UBAP2: variants seen among roughly 807,000 people sequenced by gnomAD.
The protein encoded by UBAP2 is ubiquitin-associated protein 2.
UBAP2 carries 75 observed loss-of-function variants against 139.6 expected under a neutral mutation model. The ratio of observed to expected loss-of-function variants is 0.54; its 90% confidence interval spans 0.45 to 0.65. The LOEUF (loss-of-function observed/expected upper bound fraction) is 0.65. Among genes scored for constraint, UBAP2 ranks in the 30% least tolerant of loss-of-function variants. UBAP2 has a pLI of 0.00. For missense variants in UBAP2, 1,368 were observed against 1,369.6 expected, an observed-to-expected ratio of 1.00 and a Z score of 0.02; for synonymous variants, 526 against 526.2, an observed-to-expected ratio of 1.00 and a Z score of 0.01.
At chr9:33,984,326 A>C (rs1422324319) in intron 6 of UBAP2, among the ~76,000 whole-genome samples, 1 of 152,102 alleles carries the variant, frequency 6.6e-6, no homozygotes, top group African/African-American at 2.4e-5. Flanking sequence ...AATACAAGGA[A>C]TCTAAACAAC....
intron 1 of UBAP2, among the ~76,000 whole-genome samples, 181 bp downstream of exon 1, chr9:34,048,644 G>A (rs1034832391): frequency 5.9e-5 from 9 of 152,274 alleles, no homozygotes; most frequent in African/African-American, 1.9e-4. Flanking sequence ...AGGGAGCCCG[G>A]GCCTGGACGT....
At chr9:33,935,785 T>G (rs1046433954) in intron 17 of UBAP2, 54 bp downstream of exon 17, 1 of 1,603,000 alleles carries the variant, frequency 6.2e-7, no homozygotes, top group Non-Finnish European at 8.5e-7. Flanking sequence ...GCTATCCTCT[T>G]CCTCTGTTTG....
chr9:34,043,303 C>T (rs1174768544), intron 1 of UBAP2, among the ~76,000 whole-genome samples: 1 of 151,562 alleles, frequency 6.6e-6, no homozygotes, highest in Middle Eastern at 3.2e-3. Context: ...TCCTGAGTAG[C>T]TGGGACTACA....
At chr9:34,027,729 C>T (rs1224420085) in intron 1 of UBAP2, among the ~76,000 whole-genome samples, 2 of 150,870 alleles carry the variant, frequency 1.3e-5, no homozygotes, top group South Asian at 2.1e-4. Context: ...GGGGTGGTGG[C>T]GGGTACCTGT....
At chr9:34,000,241 T>C (rs1003847578) in intron 2 of UBAP2, among the ~76,000 whole-genome samples, 3 of 152,194 alleles carry the variant, frequency 2.0e-5, no homozygotes, top group Non-Finnish European at 2.9e-5. Context: ...CAGCCTCCCA[T>C]GTAGCTTGGA....
intron 2 of UBAP2, among the ~76,000 whole-genome samples, chr9:34,004,408 C>T (rs779275870): frequency 2.0e-5 from 3 of 151,876 alleles, no homozygotes; most frequent in Non-Finnish European, 4.4e-5. Context: ...CACCTTAGCC[C>T]GAGGAGGTCA....
At chr9:34,047,604 G>A (rs1017597330) in intron 1 of UBAP2, among the ~76,000 whole-genome samples, 2 of 152,172 alleles carry the variant, frequency 1.3e-5, no homozygotes, top group Non-Finnish European at 1.5e-5. Context: ...AACGGAAGAG[G>A]AATATAAGAA....
intron 4 of UBAP2, among the ~76,000 whole-genome samples, chr9:33,989,871 T>A (rs922899473): frequency 6.6e-6 from 1 of 152,200 alleles, no homozygotes; most frequent in Non-Finnish European, 1.5e-5. Flanking sequence ...TTATTCAAAC[T>A]AATTATCTAA....
chr9:33,922,803 G>T lies in UBAP2; in HGVS notation c.3148C>A (p.Pro1050Thr), dbSNP rs1823029462. ...CCAGGGGCCGCTCCCGAGGCCAGGG[G>T]CCCAGTGGAGCCCAAGACCGAGGGC... The part of the protein sequence containing the change: ...SLPSVLGSTG[P>T]LASGAAPGYA... The change falls in exon 28 of 29, where the codon CCC (proline) becomes ACC (threonine). Residue 1050 changes from proline to threonine, a missense_variant. By Grantham distance (38) the Pro-to-Thr change is conservative. Transcript: ENST00000379238. The T allele has an allele frequency of 1.9e-6, 3 of 1,566,654 alleles. No individual in the cohort carries two copies. Among genetic ancestry groups the T allele is most frequent in the Non-Finnish European group, 2.6e-6 (3 of 1,155,828 alleles).
At chr9:34,028,419 AC>A (rs1197025840) in intron 1 of UBAP2, among the ~76,000 whole-genome samples, 1 of 144,330 alleles carries the variant, frequency 6.9e-6, no homozygotes, top group Non-Finnish European at 1.5e-5. Context: ...CACTGTTGTC[AC>A]CCAGGCTGGA....
At position 34,019,002 on chromosome 9, in the gene UBAP2, C is replaced by A. The variant is rs532757787; in HGVS notation, c.-41-1813G>T. Among the ~76,000 whole-genome samples the A allele has an allele frequency of 1.2e-4, 19 of 152,266 alleles. 1 individual carries two copies. The South Asian group carries it at 3.9e-3, about 32-fold the overall frequency. On this transcript the variant is annotated intron_variant, in intron 1 of 28. Coordinates refer to ENST00000379238, the MANE Select transcript of UBAP2 (RefSeq NM_001370062.2). The stretch of plus-strand genomic sequence containing the variant: ...ATAAGCAAAATGTGACATATATACA[C>A]AATGGAAAATTATTCAGCCTTAAGA...
chr9:33,941,570 C>T (rs1366512248), intron 16 of UBAP2, 79 bp downstream of exon 16: 2 of 1,226,958 alleles, frequency 1.6e-6, no homozygotes. Context: ...AAATCATATC[C>T]AAGAAGCATA....
chr9:33,944,720 C>T, intron 13 of UBAP2, 81 bp from the exon 14 acceptor site: 2 of 1,441,832 alleles, frequency 1.4e-6, no homozygotes, highest in South Asian at 2.7e-5. Flanking sequence ...TCTATTACCA[C>T]CAATTTCTCC....
At chr9:33,993,813 A>C (rs1453368176) in intron 4 of UBAP2, among the ~76,000 whole-genome samples, 3 of 152,204 alleles carry the variant, frequency 2.0e-5, no homozygotes, top group Non-Finnish European at 4.4e-5. Context: ...GAAGAAAACA[A>C]GAAGTCAGAT....
intron 3 of UBAP2, chr9:33,998,126 A>G (rs1822349988): frequency 6.6e-6 from 1 of 152,218 alleles, no homozygotes; most frequent in Non-Finnish European, 1.5e-5. Flanking sequence ...TGAAATGGCA[A>G]TTCAGGCCAG....
chr9:34,032,051 G>A (rs968041609), intron 1 of UBAP2, among the ~76,000 whole-genome samples: 54 of 151,942 alleles, frequency 3.6e-4, no homozygotes, highest in African/African-American at 1.2e-3. Flanking sequence ...AGGCTGAGGC[G>A]GGAGGATTGC....
intron 6 of UBAP2, among the ~76,000 whole-genome samples, chr9:33,985,682 G>A (rs1436669634): frequency 1.3e-5 from 2 of 151,994 alleles, no homozygotes; most frequent in Non-Finnish European, 2.9e-5. Flanking sequence ...TATAGAGGGT[G>A]GGGAATAAAG....
In UBAP2 at chr9:33,939,947, GGGAA is replaced by G. The variant is rs1397330889; in HGVS notation, c.1929+1698_1929+1701del. Among the ~76,000 whole-genome samples the G allele has an allele frequency of 8.3e-4, 98 of 118,506 alleles. 2 individuals are homozygous for G. Among genetic ancestry groups the G allele is most frequent in the Non-Finnish European group, 6.4e-4 (37 of 57,556 alleles). The allele number at this position is 118,506 out of a possible 152,430, so 77.7% of individuals were successfully genotyped here. A position where few individuals can be genotyped will look rare whatever the true frequency, so the allele number is the denominator to read the frequency against. Reference sequence around the variant, plus strand: ...AGAGGAGAAGGAAGAAGAAGAAAGAGGGAAGGAAGGAAGAAGAAGAAAAAATAAG... The same window carrying G: ...AGAGGAGAAGGAAGAAGAAGAAAGAGGGAAGGAAGAAGAAGAAAAAATAAG... On this transcript the variant is annotated intron_variant, in intron 16 of 28. Transcript: ENST00000379238.
rs1232078524 is a variant in UBAP2 at position 33,923,376 on chromosome 9, C to T, written c.2896+3G>A. The T allele has an allele frequency of 1.9e-6, 3 of 1,614,190 alleles. No individual in the cohort carries two copies. Among genetic ancestry groups the T allele is most frequent in the Non-Finnish European group, 2.5e-6 (3 of 1,180,000 alleles). ...GTGTCTCTGTCTGGGAAGTACCCCT[C>T]ACCTGTACTGTAGCCGTGCTGGCCA... On this transcript the variant is annotated splice_donor_region_variant and intron_variant, in intron 25 of 28. Coordinates refer to ENST00000379238, the MANE Select transcript of UBAP2 (RefSeq NM_001370062.2).
Sources: gnomAD v4.1 joint callset for allele counts (sites outside exome capture counted in the v4.1 genomes callset) on GRCh38, gnomAD v4.1.1 for gene constraint, MANE v1.5 for transcripts, NCBI Gene and HGNC (gene_info 2026-07-23, HGNC 2026-07-21) for gene names.